Variants in IL5RA observed in about 807,000 individuals in gnomAD.
The protein encoded by IL5RA is interleukin-5 receptor subunit alpha.
A neutral mutation model predicts 50.0 loss-of-function variants in IL5RA; 49 were observed. The ratio of observed to expected loss-of-function variants is 0.98; its 90% CI spans 0.78 to 1.24. The LOEUF is 1.24. Ranked by LOEUF, IL5RA falls within the 50% of genes most tolerant of loss-of-function variation. The pLI is 0.00. For synonymous variants in IL5RA, 202 were observed against 174.0 expected (o/e 1.16, Z -1.26); for missense variants, 600 against 500.4 (o/e 1.20, Z -1.90).
intron 11 of IL5RA, among the ~76,000 whole-genome samples, chr3:3,072,364 G>A (rs1050722431): frequency 6.6e-6 from 1 of 152,226 alleles, no homozygotes; most frequent in African/African-American, 2.4e-5. Context: ...GTTGTCCTGA[G>A]AAGCCAGGCG....
intron 9 of IL5RA, among the ~76,000 whole-genome samples, chr3:3,091,034 C>T (rs1050234242): frequency 9.2e-5 from 14 of 152,112 alleles, no homozygotes; most frequent in African/African-American, 3.4e-4. Flanking sequence ...GAGACGATGC[C>T]CATCTTACTT....
intron 9 of IL5RA, among the ~76,000 whole-genome samples, chr3:3,079,073 C>A (rs1009623284): frequency 6.6e-6 from 1 of 152,134 alleles, no homozygotes; most frequent in Admixed American, 6.5e-5. Context: ...GGCCCTTCTC[C>A]CCATTTTAAT....
chr3:3,082,784 C>G (rs1702713878), intron 9 of IL5RA, among the ~76,000 whole-genome samples: 1 of 152,154 alleles, frequency 6.6e-6, no homozygotes, highest in Non-Finnish European at 1.5e-5. Context: ...CTCTCTTGAT[C>G]TAGAATTCTA....
Position 3,092,280 on chromosome 3 carries a change from C to T in IL5RA, c.938G>A (p.Ser313Asn), listed in dbSNP as rs1430390141. 3 of 1,614,010 alleles carry T rather than the reference C, an allele frequency of 1.9e-6. No homozygotes were observed. The highest frequency in any genetic ancestry group is 2.7e-5 in the African/African-American group (2 of 74,940). ...KYDVQVRAAVSSMCREAGLWS... is the reference protein window; with the variant it reads ...KYDVQVRAAVNSMCREAGLWS... ...GAGCCCTGCCTCTCTGCACATGGAGCTCACTGCTGCTCTCACTTGAACATC... is the reference window on the plus strand; with the variant it reads ...GAGCCCTGCCTCTCTGCACATGGAGTTCACTGCTGCTCTCACTTGAACATC... The change falls in exon 9 of 12, where the codon AGC (serine) becomes AAC (asparagine). Residue 313 changes from serine to asparagine, a missense_variant. Ser to Asn is a conservative substitution (Grantham distance 46). Coordinates refer to ENST00000446632, the MANE Select transcript of IL5RA (RefSeq NM_175726.4). This position sits in a 1 kb window ranked among gnomAD's most constrained non-coding sequence, Gnocchi z 4.2.
intron 5 of IL5RA, among the ~76,000 whole-genome samples, chr3:3,098,729 A>G (rs909893557): frequency 6.6e-6 from 1 of 152,166 alleles, no homozygotes. Context: ...CTAGAAACCT[A>G]CTAACTACAA....
chr3:3,106,613 T>C (rs992529186), intron 2 of IL5RA, among the ~76,000 whole-genome samples: 1 of 152,168 alleles, frequency 6.6e-6, no homozygotes, highest in Non-Finnish European at 1.5e-5. Flanking sequence ...ATAATTTTTT[T>C]AAAATTTTCA....
chr3:3,093,785 A>G (rs1014240212), intron 8 of IL5RA, among the ~76,000 whole-genome samples: 3 of 152,250 alleles, frequency 2.0e-5, no homozygotes, highest in East Asian at 1.9e-4. Context: ...GGGTCACTCC[A>G]TGGCAGAAAC....
At position 3,092,597 on chromosome 3, in the gene IL5RA, A is replaced by T. The variant is rs1032212446; in HGVS notation, c.856-235T>A. On this transcript the variant is annotated intron_variant, in intron 8 of 11. Transcript: ENST00000446632. The surrounding 1 kb of genome is among the most constrained non-coding windows in gnomAD (Gnocchi z 4.2). Reference sequence around the variant, plus strand: ...AAAATATACGAAATGATCAACGGTCAAGATCCAGGTGTTCCTATCCAGGCC... The same window carrying T: ...AAAATATACGAAATGATCAACGGTCTAGATCCAGGTGTTCCTATCCAGGCC... Among the ~76,000 whole-genome samples the T allele has an allele frequency of 5.3e-5, 8 of 152,254 alleles. No homozygotes were observed. The highest frequency in any genetic ancestry group is 1.9e-4 in the African/African-American group (8 of 41,468).
Position 3,071,704 on chromosome 3 carries a change from C to G in IL5RA, c.1177-1393G>C, listed in dbSNP as rs1302802272. Among the ~76,000 whole-genome samples the G allele has an allele frequency of 2.0e-5, 3 of 152,022 alleles. No homozygotes were observed. In the East Asian group the frequency reaches 5.8e-4, roughly 29 times the overall value. On this transcript the variant is annotated intron_variant, in intron 11 of 11. Transcript: ENST00000446632. ...TCCTGGGCTCAAGCCATCTTCCCAC[C>G]TCAGCCTCCCGAGTATCTGAGGCTA...
intron 8 of IL5RA, among the ~76,000 whole-genome samples, chr3:3,094,711 T>C (rs182108595): frequency 1.4e-3 from 207 of 151,422 alleles, no homozygotes; most frequent in African/African-American, 4.8e-3. Flanking sequence ...TGCATTATTT[T>C]AGTTTTTTGT....
intron 8 of IL5RA, 54 bp downstream of exon 8, chr3:3,095,245 A>G (rs1378169192): frequency 5.7e-5 from 80 of 1,413,228 alleles, no homozygotes; most frequent in Non-Finnish European, 7.5e-5. Context: ...AATTTTTTAA[A>G]TGTTTCTAAA....
intron 2 of IL5RA, among the ~76,000 whole-genome samples, chr3:3,107,911 T>TA (rs1464208778): frequency 3.9e-5 from 6 of 152,332 alleles, no homozygotes; most frequent in African/African-American, 1.2e-4. Flanking sequence ...AGTTCAGACT[T>TA]ACAAATATTT....
At chr3:3,091,922 T>C in intron 9 of IL5RA, 1 of 968,326 alleles carries the variant, frequency 1.0e-6, no homozygotes, top group East Asian at 5.6e-5. Flanking sequence ...GTGAGTGTGA[T>C]AATTATTTCA....
rs1248213659 is a variant in IL5RA, at chr3:3,098,231, A to T, written c.427T>A (p.Tyr143Asn). The T allele has an allele frequency of 6.2e-7, 1 of 1,613,982 alleles. No homozygotes were observed. The highest frequency in any genetic ancestry group is 8.5e-7 in the Non-Finnish European group (1 of 1,179,952). Residue 143 changes from tyrosine (Y) to asparagine (N), a missense_variant, in exon 6 of 12, where the codon TAT becomes AAT. Tyr to Asn is a moderately radical substitution (Grantham distance 143). Transcript: ENST00000446632. ...ACTTGGTATGACCTTAAACGTGAATAATTGTCTTCTGTAGTGTTTGTGGTG... is the reference window on the plus strand; with the variant it reads ...ACTTGGTATGACCTTAAACGTGAATTATTGTCTTCTGTAGTGTTTGTGGTG... ...TCTTNTTEDNYSRLRSYQVSL... is the reference protein window; with the variant it reads ...TCTTNTTEDNNSRLRSYQVSL...
chr3:3,083,283 G>A (rs1329512073), intron 9 of IL5RA, among the ~76,000 whole-genome samples: 2 of 152,124 alleles, frequency 1.3e-5, no homozygotes, highest in Admixed American at 6.5e-5. Flanking sequence ...TAAAAAGAGG[G>A]CAGCAAAATG....
Position 3,095,394 on chromosome 3 carries a change from G to T in IL5RA, c.760C>A (p.Leu254Ile). 11 of 1,611,704 alleles carry T rather than the reference G, an allele frequency of 6.8e-6. No homozygotes were observed. Among genetic ancestry groups the T allele is most frequent in the Admixed American group, 3.3e-5 (2 of 59,998 alleles). ...ACTGGTTTCTCCCATTGGATAGAGA[G>T]ACGAGTTCCTTCAATCTCTGCTGTG... ...NVTAEIEGTR[L>I]SIQWEKPVSA... Residue 254 changes from leucine (L) to isoleucine (I), a missense_variant, in exon 8 of 12, where the codon CTC (leucine) becomes ATC (isoleucine). Physicochemically the swap from Leu to Ile is conservative, Grantham distance 5 (BLOSUM62 2). Transcript: ENST00000446632.
intron 1 of IL5RA, among the ~76,000 whole-genome samples, 186 bp from the exon 2 acceptor site, chr3:3,108,877 A>T (rs893664254): frequency 2.0e-5 from 3 of 152,242 alleles, no homozygotes; most frequent in Admixed American, 6.5e-5. Flanking sequence ...AAATGAGGTG[A>T]TTTAACTTCT....
chr3:3,074,946 G>T, intron 10 of IL5RA, 80 bp from the exon 11 acceptor site: 2 of 867,354 alleles, frequency 2.3e-6, no homozygotes, highest in Non-Finnish European at 3.8e-6. Flanking sequence ...AAATTGACCT[G>T]GTTGATTCTA....
At chr3:3,100,465 C>T (rs1703590484) in intron 5 of IL5RA, among the ~76,000 whole-genome samples, 1 of 152,142 alleles carries the variant, frequency 6.6e-6, no homozygotes, top group South Asian at 2.1e-4. Flanking sequence ...ATTACTTTTG[C>T]ACCAACCTAA....
Sources: gnomAD v4.1 joint callset for allele counts (sites outside exome capture counted in the v4.1 genomes callset) on GRCh38, gnomAD v4.1.1 for gene constraint, Gnocchi (gnomAD v3.1) non-coding constraint, MANE v1.5 for transcripts, NCBI Gene and HGNC (gene_info 2026-07-23, HGNC 2026-07-21) for gene names.